The following SGCZ variants were observed in gnomAD, a reference collection of about 807,000 sequenced individuals.
SGCZ encodes sarcoglycan zeta.
In SGCZ, 40 loss-of-function variants were observed where a neutral mutation model predicts 41.3. That is an observed-to-expected ratio of 0.97 (90% CI 0.75 to 1.26). The LOEUF (loss-of-function observed/expected upper bound fraction) is 1.26. Ranked by LOEUF, SGCZ falls within the 50% of genes most tolerant of loss-of-function variation. The pLI, the probability that SGCZ is intolerant of heterozygous loss-of-function variation, is 0.00. For synonymous variants in SGCZ, 206 were observed against 137.5 expected, an observed-to-expected ratio of 1.50 and a Z score of -3.49; for missense variants, 552 against 369.8, an observed-to-expected ratio of 1.49 and a Z score of -4.04.
At chr8:14,481,439 C>A (rs1035860927) in intron 2 of SGCZ, among the ~76,000 whole-genome samples, 2 of 152,146 alleles carry the variant, frequency 1.3e-5, no homozygotes, top group African/African-American at 4.8e-5. Context: ...GTTTCAAAGT[C>A]ATGAATTTTG....
chr8:14,873,395 C>T (rs756242898), intron 1 of SGCZ, among the ~76,000 whole-genome samples: 5 of 152,082 alleles, frequency 3.3e-5, no homozygotes, highest in Non-Finnish European at 5.9e-5. Context: ...TTATAGATTG[C>T]CTCTGGATAA....
chr8:14,557,034 G>C (rs548561280), intron 1 of SGCZ, among the ~76,000 whole-genome samples: 1 of 151,954 alleles, frequency 6.6e-6, no homozygotes, highest in Admixed American at 6.6e-5. Context: ...GTTTGTACTA[G>C]TTTACATTCC....
intron 3 of SGCZ, among the ~76,000 whole-genome samples, chr8:14,308,867 G>C (rs1801431103): frequency 6.6e-6 from 1 of 152,074 alleles, no homozygotes; most frequent in African/African-American, 2.4e-5. Flanking sequence ...CCTTTCTTCA[G>C]TTAATAAAAT....
intron 5 of SGCZ, among the ~76,000 whole-genome samples, chr8:14,138,525 AG>A (rs34408219): frequency 0.36 from 47,166 of 131,144 alleles, 8,143 homozygotes; most frequent in African/African-American, 0.51. Context: ...AAAAAAAAAA[AG>A]GGGGGGTTGC....
chr8:14,154,104 C>T (rs181644866), intron 5 of SGCZ, among the ~76,000 whole-genome samples: 13 of 152,262 alleles, frequency 8.5e-5, no homozygotes, highest in Admixed American at 7.8e-4. Context: ...GGCCCGGTGG[C>T]TCATGCCTGT....
chr8:15,204,744 C>A (rs555141332), intron 1 of SGCZ, among the ~76,000 whole-genome samples: 2 of 152,282 alleles, frequency 1.3e-5, no homozygotes, highest in East Asian at 3.9e-4. Flanking sequence ...TTAATCATCT[C>A]TACTTTTTAT....
chr8:14,359,750 AG>A (rs1266993552), intron 2 of SGCZ, among the ~76,000 whole-genome samples: 1 of 151,618 alleles, frequency 6.6e-6, no homozygotes, highest in African/African-American at 2.4e-5. Context: ...ACAGAGGAGG[AG>A]GGAACACTTC....
intron 4 of SGCZ, among the ~76,000 whole-genome samples, chr8:14,205,170 TA>T (rs1805579168): frequency 5.1e-4 from 2 of 3,904 alleles, no homozygotes; most frequent in South Asian, 0.024. Flanking sequence ...TCCTAGACTT[TA>T]TTTTTTTTTT....
chr8:14,289,188 T>A lies in SGCZ; in HGVS notation c.336+34915A>T, dbSNP rs148873564. ...GGATGTTAGAGTTTTATCAGATATATTAATTGAAAATATTTTCTCACATAG... is the reference window on the plus strand; with the variant it reads ...GGATGTTAGAGTTTTATCAGATATAATAATTGAAAATATTTTCTCACATAG... On this transcript the variant is annotated intron_variant, in intron 3 of 7. Coordinates refer to ENST00000382080, the MANE Select transcript of SGCZ (RefSeq NM_139167.4). 2.3e-4 allele frequency among the ~76,000 whole-genome samples: 34 copies of A among 149,990 alleles called. No individual in the cohort carries two copies. The East Asian group carries it at 4.2e-3, about 18-fold the overall frequency.
intron 1 of SGCZ, among the ~76,000 whole-genome samples, chr8:14,772,671 A>C (rs2130399578): frequency 6.8e-6 from 1 of 148,026 alleles, no homozygotes; most frequent in South Asian, 2.1e-4. Flanking sequence ...GAGTGAGAAC[A>C]TGCGGTGTTT....
intron 2 of SGCZ, among the ~76,000 whole-genome samples, chr8:14,448,105 A>C (rs1203887311): frequency 1.3e-5 from 2 of 152,192 alleles, no homozygotes; most frequent in East Asian, 3.9e-4. Context: ...TAGCAGTAAC[A>C]ATTAGGAGAC....
chr8:14,436,329 G>A (rs1369155265), intron 2 of SGCZ, among the ~76,000 whole-genome samples: 2 of 152,172 alleles, frequency 1.3e-5, no homozygotes, highest in Non-Finnish European at 2.9e-5. Flanking sequence ...CATATTAAAA[G>A]TAGTGAAATT....
intron 2 of SGCZ, among the ~76,000 whole-genome samples, chr8:14,382,342 G>C (rs1034074385): frequency 6.6e-6 from 1 of 152,046 alleles, no homozygotes; most frequent in Admixed American, 6.5e-5. Context: ...CCCAAAGCCT[G>C]TGGGAATGAA....
intron 1 of SGCZ, among the ~76,000 whole-genome samples, chr8:14,806,776 C>A (rs1262243297): frequency 1.3e-5 from 2 of 151,800 alleles, no homozygotes; most frequent in African/African-American, 2.4e-5. Flanking sequence ...GAGACACAAC[C>A]AAAAAAGAGA....
At chr8:14,988,509 T>C (rs1474092400) in intron 1 of SGCZ, among the ~76,000 whole-genome samples, 1 of 152,038 alleles carries the variant, frequency 6.6e-6, no homozygotes, top group Admixed American at 6.6e-5. Context: ...TAAATATGGA[T>C]TGAGAATAGT....
chr8:14,126,347 A>G (rs577158984), intron 5 of SGCZ, among the ~76,000 whole-genome samples: 2 of 152,356 alleles, frequency 1.3e-5, no homozygotes, highest in East Asian at 3.9e-4. Flanking sequence ...TCAAAAGAAG[A>G]CATTTATTCA....
chr8:14,673,966 A>G (rs1046608941), intron 1 of SGCZ, among the ~76,000 whole-genome samples: 4 of 152,218 alleles, frequency 2.6e-5, no homozygotes, highest in Admixed American at 1.3e-4. Context: ...GGCAGTAAAT[A>G]TCTTTGTTAT....
intron 1 of SGCZ, among the ~76,000 whole-genome samples, chr8:14,907,782 T>G (rs1170897570): frequency 6.6e-6 from 1 of 152,178 alleles, no homozygotes; most frequent in Non-Finnish European, 1.5e-5. Context: ...TGAGCCACAA[T>G]TCACTAACTT....
At position 14,286,042 on chromosome 8, in the gene SGCZ, T is replaced by C. The variant is rs185085623; in HGVS notation, c.336+38061A>G. Among the ~76,000 whole-genome samples, 4 of 152,164 alleles carry C rather than the reference T, an allele frequency of 2.6e-5. No individual in the cohort carries two copies. The East Asian group carries it at 7.7e-4, about 29-fold the overall frequency. ...CTAATAGGAACTATTTATTTAGCAT[T>C]TGAGGCTTAGTTTTATGCTAATGCA... On this transcript the variant is annotated intron_variant, in intron 3 of 7. Coordinates refer to ENST00000382080, the MANE Select transcript of SGCZ (RefSeq NM_139167.4).
Sources: allele counts gnomAD v4.1 joint callset (sites outside exome capture counted in the v4.1 genomes callset), GRCh38; gene constraint gnomAD v4.1.1; transcripts MANE v1.5; gene names NCBI Gene and HGNC (gene_info 2026-07-23, HGNC 2026-07-21).